ATP10A: variants seen among roughly 807,000 people sequenced by gnomAD.
ATP10A encodes phospholipid-transporting ATPase VA.
In ATP10A, 111 loss-of-function variants were observed where a neutral mutation model predicts 147.8. That is an observed-to-expected ratio of 0.75 (90% CI 0.64 to 0.88). ATP10A has a LOEUF of 0.88. Ranked by LOEUF, ATP10A falls within the 40% of genes least tolerant of loss-of-function variation. ATP10A has a pLI of 0.00. For missense variants in ATP10A, 1,927 were observed against 1,959.0 expected, an observed-to-expected ratio of 0.98 and a Z score of 0.31; for synonymous variants, 875 against 841.6, an observed-to-expected ratio of 1.04 and a Z score of -0.69.
chr15:25,849,115 A>C lies in ATP10A; in HGVS notation c.449+13533T>G, dbSNP rs539983357. On this transcript the variant is annotated intron_variant, in intron 1 of 20. Coordinates refer to ENST00000555815, the MANE Select transcript of ATP10A (RefSeq NM_024490.4). ...GGAGAGGCGGGGTAAGCAGGTTTAG[A>C]ATCCATTAGTTTGAATAACCTCGGT... Among the ~76,000 whole-genome samples the C allele has an allele frequency of 9.2e-5, 14 of 151,912 alleles. 1 individual carries two copies. The highest frequency in any genetic ancestry group is 7.9e-4 in the Admixed American group (12 of 15,260).
intron 1 of ATP10A, among the ~76,000 whole-genome samples, chr15:25,801,591 C>T (rs1342086465): frequency 2.6e-5 from 4 of 152,224 alleles, no homozygotes; most frequent in African/African-American, 7.2e-5. Context: ...ATGGCCACTA[C>T]GCTGAGACTT....
intron 1 of ATP10A, among the ~76,000 whole-genome samples, chr15:25,828,988 C>T (rs1261992177): frequency 6.6e-6 from 1 of 152,094 alleles, no homozygotes; most frequent in Non-Finnish European, 1.5e-5. Context: ...AAGCTTTGCT[C>T]CACATCATGC....
At position 25,755,570 on chromosome 15, in the gene ATP10A, A is replaced by C. The variant is rs986915683; in HGVS notation, c.655-19429T>G. Among the ~76,000 whole-genome samples, 13 of 152,184 alleles carry C rather than the reference A, an allele frequency of 8.5e-5. No homozygotes were observed. The South Asian group carries it at 1.0e-3, about 12-fold the overall frequency. On this transcript the variant is annotated intron_variant, in intron 2 of 20. Coordinates refer to ENST00000555815, the MANE Select transcript of ATP10A (RefSeq NM_024490.4). ...CAACAGTTTCCAAAAAATCGTTGCC[A>C]CTTGTGCAAACAACCAGGACACTAG...
At position 25,794,710 on chromosome 15, in the gene ATP10A, G is replaced by A. The variant is rs79385305; in HGVS notation, c.450-13487C>T. Among the ~76,000 whole-genome samples, 177 of 152,306 alleles carry A rather than the reference G, an allele frequency of 1.2e-3. 1 individual carries two copies. Among genetic ancestry groups the A allele is most frequent in the African/African-American group, 3.8e-3 (158 of 41,566 alleles). On this transcript the variant is annotated intron_variant, in intron 1 of 20. Transcript: ENST00000555815. ...AACTGACTTTACCCGGTAATATTCCGAGAATGGATAACAAGGCTGAAACGC... is the reference window on the plus strand; with the variant it reads ...AACTGACTTTACCCGGTAATATTCCAAGAATGGATAACAAGGCTGAAACGC...
intron 1 of ATP10A, among the ~76,000 whole-genome samples, chr15:25,796,347 G>T (rs1285198413): frequency 1.3e-5 from 2 of 152,140 alleles, no homozygotes; most frequent in African/African-American, 4.8e-5. Flanking sequence ...TGAGGCTGCA[G>T]TGAGCCACAA....
chr15:25,755,166 A>C (rs534967140), intron 2 of ATP10A, among the ~76,000 whole-genome samples: 5 of 152,036 alleles, frequency 3.3e-5, no homozygotes, highest in Admixed American at 6.6e-5. Flanking sequence ...AGTGACTGAT[A>C]CTCCCTAGAC....
chr15:25,752,574 T>C (rs1356609226), intron 2 of ATP10A, among the ~76,000 whole-genome samples: 1 of 152,282 alleles, frequency 6.6e-6, no homozygotes, highest in Middle Eastern at 3.4e-3. Flanking sequence ...AGTCTTGTAG[T>C]ACATTTTGGA....
At chr15:25,834,370 C>T (rs1892502350) in intron 1 of ATP10A, among the ~76,000 whole-genome samples, 2 of 152,174 alleles carry the variant, frequency 1.3e-5, no homozygotes, top group Admixed American at 1.3e-4. Flanking sequence ...AAAGATGATA[C>T]ATAAGTGGCC....
At chr15:25,805,943 T>TGTG (rs1374832298) in intron 1 of ATP10A, among the ~76,000 whole-genome samples, 2 of 152,240 alleles carry the variant, frequency 1.3e-5, no homozygotes, top group Non-Finnish European at 2.9e-5. Flanking sequence ...AAGCAGCCCC[T>TGTG]TACAACCTTG....
chr15:25,816,914 G>A (rs892979621), intron 1 of ATP10A, among the ~76,000 whole-genome samples: 2 of 151,894 alleles, frequency 1.3e-5, no homozygotes, highest in African/African-American at 4.8e-5. Context: ...AAATTCTGTT[G>A]TATCTTACAC....
chr15:25,811,622 G>A (rs1011095367), intron 1 of ATP10A, among the ~76,000 whole-genome samples: 1 of 152,126 alleles, frequency 6.6e-6, no homozygotes, highest in African/African-American at 2.4e-5. Context: ...GTGCATAGGT[G>A]GGACGTGATC....
chr15:25,780,922 G>T, intron 2 of ATP10A, 97 bp downstream of exon 2: 3 of 1,347,108 alleles, frequency 2.2e-6, no homozygotes, highest in Non-Finnish European at 3.1e-6. Context: ...TGGTCTGACA[G>T]ACAGGAAAAT....
At chr15:25,711,479 G>A (rs1901417079) in intron 10 of ATP10A, among the ~76,000 whole-genome samples, 1 of 152,086 alleles carries the variant, frequency 6.6e-6, no homozygotes, top group South Asian at 2.1e-4. Context: ...GGGGACTCCA[G>A]GGCCCTCCTG....
intron 2 of ATP10A, among the ~76,000 whole-genome samples, chr15:25,745,053 C>T (rs973209524): frequency 3.9e-5 from 6 of 152,162 alleles, no homozygotes; most frequent in Admixed American, 6.5e-5. Flanking sequence ...GGGCCGGGCG[C>T]GGTGGCTCAC....
intron 1 of ATP10A, among the ~76,000 whole-genome samples, chr15:25,796,829 C>A (rs925166235): frequency 6.6e-6 from 1 of 152,230 alleles, no homozygotes; most frequent in African/African-American, 2.4e-5. Flanking sequence ...GGCCTTCCTC[C>A]TTCCGTAGCT....
At chr15:25,705,440 C>CAAAAAAAAAAAAA (rs67294220) in intron 12 of ATP10A, among the ~76,000 whole-genome samples, 21 of 85,880 alleles carry the variant, frequency 2.4e-4, no homozygotes, top group South Asian at 4.1e-4. Context: ...TGTCTCAAAG[C>CAAAAAAAAAAAAA]AAAAAAAAAA....
At chr15:25,680,413 AGG>A in intron 19 of ATP10A, 105 bp from the exon 20 acceptor site, 1 of 1,244,276 alleles carries the variant, frequency 8.0e-7, no homozygotes, top group Non-Finnish European at 1.1e-6. Flanking sequence ...TGAGGTTCTG[AGG>A]CCTTCAGACA....
intron 1 of ATP10A, among the ~76,000 whole-genome samples, chr15:25,847,533 T>C (rs926085625): frequency 6.7e-6 from 1 of 149,376 alleles, no homozygotes; most frequent in African/African-American, 2.4e-5. Context: ...TCTTTGCGGG[T>C]CACGGGGTCT....
At chr15:25,735,911 G>A in intron 3 of ATP10A, 145 bp downstream of exon 3, 4 of 729,558 alleles carry the variant, frequency 5.5e-6, no homozygotes, top group Non-Finnish European at 9.5e-6. Context: ...AGCCAAGAAG[G>A]CTCAGGTGCT....
Sources: gnomAD v4.1 joint callset for allele counts (sites outside exome capture counted in the v4.1 genomes callset) on GRCh38, gnomAD v4.1.1 for gene constraint, MANE v1.5 for transcripts, NCBI Gene and HGNC (gene_info 2026-07-23, HGNC 2026-07-21) for gene names.